Variants in GBF1 observed in about 807,000 individuals in gnomAD.
The protein encoded by GBF1 is golgi brefeldin A resistant guanine nucleotide exchange factor 1, also known as Golgi-specific brefeldin A-resistance guanine nucleotide exchange factor 1.
GBF1 carries 114 observed loss-of-function variants against 210.5 expected under a neutral mutation model. That is an observed-to-expected ratio of 0.54 (90% CI 0.47 to 0.63). GBF1 has a LOEUF of 0.63. Ranked by LOEUF, GBF1 falls within the 30% of genes least tolerant of loss-of-function variation. The probability of loss-of-function intolerance (pLI) is 0.00; values close to 1 mark genes in which losing one functional copy is unlikely to be tolerated. For synonymous variants in GBF1, 850 were observed against 889.2 expected, an observed-to-expected ratio of 0.96 and a Z score of 0.78; for missense variants, 1,851 against 2,357.7, an observed-to-expected ratio of 0.79 and a Z score of 4.45.
intron 3 of GBF1, among the ~76,000 whole-genome samples, chr10:102,299,139 A>C (rs1395939640): frequency 6.6e-6 from 1 of 152,214 alleles, no homozygotes; most frequent in Non-Finnish European, 1.5e-5. Context: ...GGCACTTACC[A>C]TAAAATGAGG....
intron 3 of GBF1, among the ~76,000 whole-genome samples, chr10:102,301,177 A>T (rs2077312587): frequency 6.6e-6 from 1 of 152,124 alleles, no homozygotes; most frequent in African/African-American, 2.4e-5. Flanking sequence ...GGGAGTGGTG[A>T]TGACTCTTAA....
Position 102,360,269 on chromosome 10 carries a change from T to C in GBF1, c.1266T>C (p.His422=). ...LISLTNPHDR[H]NSEVMIHMGL... ...CCCTCACCAATCCACACGACCGCCA[T>C]AACTCAGAGGTTATGATTCACATGG... Residue 422 remains histidine, a synonymous_variant, in exon 12 of 40, where the codon CAT becomes CAC. Transcript: ENST00000369983. 6.2e-7 allele frequency: 1 copy of C among 1,613,916 alleles called. No homozygotes were observed. The highest frequency in any genetic ancestry group is 8.5e-7 in the Non-Finnish European group (1 of 1,179,812).
At chr10:102,336,315 GAAAAA>G (rs971079350) in intron 3 of GBF1, among the ~76,000 whole-genome samples, 2 of 118,382 alleles carry the variant, frequency 1.7e-5, no homozygotes, top group Non-Finnish European at 3.6e-5. Flanking sequence ...AAAAAAAAAA[GAAAAA>G]AAAAAAAGAA....
chr10:102,350,416 G>A (rs1208385471), intron 4 of GBF1, among the ~76,000 whole-genome samples: 2 of 151,824 alleles, frequency 1.3e-5, no homozygotes, highest in Non-Finnish European at 2.9e-5. Context: ...TGGCGGCAGT[G>A]AGTGTTCATT....
At chr10:102,364,217 C>CTTTTTTTTTTTTTTTT (rs1031275118) in intron 17 of GBF1, among the ~76,000 whole-genome samples, 1 of 66,940 alleles carries the variant, frequency 1.5e-5, no homozygotes, top group East Asian at 5.1e-4. Flanking sequence ...CTTTGGATTT[C>CTTTTTTTTTTTTTTTT]TTTTTTTTTT....
chr10:102,291,945 A>C (rs576178824), intron 3 of GBF1, among the ~76,000 whole-genome samples: 53 of 140,116 alleles, frequency 3.8e-4, no homozygotes, highest in Non-Finnish European at 7.1e-4. Context: ...GCTGGAGTGC[A>C]GTGGCACAAT....
At position 102,364,426 on chromosome 10, in the gene GBF1, G is replaced by A. The variant is rs1372970473; in HGVS notation, c.2106+628G>A. Among the ~76,000 whole-genome samples the A allele has an allele frequency of 1.5e-4, 22 of 148,810 alleles. 1 individual carries two copies. The East Asian group carries it at 1.6e-3, about 11-fold the overall frequency. On this transcript the variant is annotated intron_variant, in intron 17 of 39. Coordinates refer to ENST00000369983, the MANE Select transcript of GBF1 (RefSeq NM_001377137.1). Reference sequence around the variant, plus strand: ...TTTTTAGTAGAGACGGGGTTTCACCGTGTTAGCCAGGGTGGTCTTGATCTC... The same window carrying A: ...TTTTTAGTAGAGACGGGGTTTCACCATGTTAGCCAGGGTGGTCTTGATCTC...
chr10:102,306,843 T>C (rs1565089254), intron 3 of GBF1, among the ~76,000 whole-genome samples: 1 of 152,338 alleles, frequency 6.6e-6, no homozygotes, highest in East Asian at 1.9e-4. Context: ...CTGAAGCTGG[T>C]CTTGTTTCCT....
intron 3 of GBF1, among the ~76,000 whole-genome samples, chr10:102,289,218 G>A (rs1433326816): frequency 6.6e-6 from 1 of 152,172 alleles, no homozygotes; most frequent in Non-Finnish European, 1.5e-5. Context: ...AAGCTAACCA[G>A]GGACACTGTC....
the GBF1 span, among the ~76,000 whole-genome samples, chr10:102,237,717 C>T: frequency 2.0e-5 from 3 of 152,032 alleles, no homozygotes; most frequent in Non-Finnish European, 2.9e-5. Flanking sequence ...ACAAATTTTT[C>T]GTTCTATTCC....
chr10:102,376,746 T>C lies in GBF1; in HGVS notation c.4234T>C (p.Phe1412Leu), dbSNP rs1159386153. ...TGCTGCCCACATCACACCTGACAACTTTGAGCTCTGCGTCAAGACTCTCCG... is the reference window on the plus strand; with the variant it reads ...TGCTGCCCACATCACACCTGACAACCTTGAGCTCTGCGTCAAGACTCTCCG... ...RDAAHITPDN[F>L]ELCVKTLRIF... is the part of the protein sequence containing the mutation. The change falls in exon 32 of 40, where the codon TTT becomes CTT. Residue 1412 changes from phenylalanine (F) to leucine (L), a missense_variant. By Grantham distance (22) the Phe-to-Leu change is conservative (BLOSUM62 0). Around this residue, in one of 3 missense-constraint regions of GBF1, gnomAD observed 967 missense variants for 1,247.7 expected, o/e 0.78. Coordinates refer to ENST00000369983, the MANE Select transcript of GBF1 (RefSeq NM_001377137.1). 6.2e-7 allele frequency: 1 copy of C among 1,610,884 alleles called. No homozygotes were observed. Among genetic ancestry groups the C allele is most frequent in the Non-Finnish European group, 8.5e-7 (1 of 1,179,956 alleles).
intron 33 of GBF1, among the ~76,000 whole-genome samples, chr10:102,377,842 G>C (rs2060601301): frequency 6.6e-6 from 1 of 152,072 alleles, no homozygotes; most frequent in South Asian, 2.1e-4. Context: ...CTATTCAAAG[G>C]CATATAAAAT....
At chr10:102,337,856 CAAAA>C (rs1565126798) in intron 3 of GBF1, among the ~76,000 whole-genome samples, 1 of 151,820 alleles carries the variant, frequency 6.6e-6, no homozygotes, top group African/African-American at 2.4e-5. Context: ...GACTCTGTCT[CAAAA>C]AGAAAGAAAG....
intron 4 of GBF1, among the ~76,000 whole-genome samples, chr10:102,349,126 G>A (rs1452972077): frequency 6.6e-6 from 1 of 151,950 alleles, no homozygotes; most frequent in Non-Finnish European, 1.5e-5. Flanking sequence ...CCCAGCCTGG[G>A]CGATAGAGCA....
At chr10:102,317,625 A>G (rs79762852) in intron 3 of GBF1, among the ~76,000 whole-genome samples, 1,863 of 152,312 alleles carry the variant, frequency 0.012, 32 homozygotes, top group African/African-American at 0.043. Context: ...TCTTTAAAAA[A>G]ATAAAAAAGT....
chr10:102,358,659 C>T lies in GBF1; in HGVS notation c.941C>T (p.Ser314Phe), dbSNP rs776602416. 2.5e-6 allele frequency: 4 copies of T among 1,614,132 alleles called. No individual in the cohort carries two copies. Among genetic ancestry groups the T allele is most frequent in the South Asian group, 1.1e-5 (1 of 91,084 alleles). The change falls in exon 10 of 40, where the codon TCT becomes TTT. Residue 314 changes from serine to phenylalanine, a missense_variant. Coordinates refer to ENST00000369983, the MANE Select transcript of GBF1 (RefSeq NM_001377137.1). ...EDLTDLEQPG[S>F]PGYSTATEPG... ...CTTACTGATCTAGAGCAACCTGGCT[C>T]TCCAGGGTACAGCACAGCTACAGAG...
the GBF1 span, among the ~76,000 whole-genome samples, chr10:102,238,399 G>A: frequency 6.6e-6 from 1 of 152,224 alleles, no homozygotes; most frequent in African/African-American, 2.4e-5. Context: ...CCCTGAGCAG[G>A]AGGCAGGCAG....
intron 12 of GBF1, among the ~76,000 whole-genome samples, 157 bp from the exon 13 acceptor site, chr10:102,360,865 C>G (rs1166063678): frequency 6.6e-6 from 1 of 151,616 alleles, no homozygotes; most frequent in Non-Finnish European, 1.5e-5. Flanking sequence ...ATCCCAGCTT[C>G]TTGGGAGGCT....
chr10:102,331,885 C>A (rs987222584), intron 3 of GBF1, among the ~76,000 whole-genome samples: 1 of 123,786 alleles, frequency 8.1e-6, no homozygotes, highest in Non-Finnish European at 1.6e-5. Context: ...TTTGAGACAG[C>A]GTCTGGCTCT....
Sources: allele counts gnomAD v4.1 joint callset (sites outside exome capture counted in the v4.1 genomes callset), GRCh38; gene constraint gnomAD v4.1.1; regional missense constraint gnomAD v4.1.1; transcripts MANE v1.5; gene names NCBI Gene and HGNC (gene_info 2026-07-23, HGNC 2026-07-21).